The following MAF variants were observed in gnomAD, a reference collection of about 807,000 sequenced individuals.
The protein encoded by MAF is MAF bZIP transcription factor.
Under a neutral mutation model 22.0 loss-of-function variants are expected in MAF, and 10 were observed. That is an observed-to-expected ratio of 0.45 (90% CI 0.28 to 0.77). The LOEUF (loss-of-function observed/expected upper bound fraction) is 0.77, where lower values mean the gene tolerates loss of function less well. Among genes scored for constraint, MAF ranks in the 30% least tolerant of loss-of-function variants. The probability of loss-of-function intolerance (pLI) is 0.12; values close to 1 mark genes in which losing one functional copy is unlikely to be tolerated. For missense variants in MAF, 544 were observed against 548.4 expected (o/e 0.99, Z 0.08); for synonymous variants, 337 against 255.8 (o/e 1.32, Z -3.03).
chr16:79,203,243 C>T, the MAF span: 2 of 152,168 alleles, frequency 1.3e-5, no homozygotes, highest in South Asian at 4.1e-4. Context: ...AGACACTCTC[C>T]ACAGTATGTT....
chr16:79,502,197 C>T, the MAF span, among the ~76,000 whole-genome samples: 1 of 152,126 alleles, frequency 6.6e-6, no homozygotes, highest in African/African-American at 2.4e-5. Context: ...GAGCATGGCT[C>T]CTGAGGCCCG....
At chr16:79,469,191 C>T in the MAF span, among the ~76,000 whole-genome samples, 2 of 152,188 alleles carry the variant, frequency 1.3e-5, no homozygotes, top group South Asian at 2.1e-4. Flanking sequence ...GGAACATAGC[C>T]ATGACCGTTC....
the MAF span, among the ~76,000 whole-genome samples, chr16:79,463,614 C>G: frequency 1.3e-5 from 2 of 152,166 alleles, no homozygotes; most frequent in Non-Finnish European, 2.9e-5. Flanking sequence ...CATCCAGTCT[C>G]TAGGTCAAGT....
chr16:79,490,876 A>G, the MAF span, among the ~76,000 whole-genome samples: 2 of 152,208 alleles, frequency 1.3e-5, no homozygotes, highest in East Asian at 1.9e-4. Flanking sequence ...CTGTGATGTC[A>G]GAGATGAATG....
the MAF span, among the ~76,000 whole-genome samples, chr16:79,242,391 G>A: frequency 1.3e-5 from 2 of 149,774 alleles, no homozygotes; most frequent in African/African-American, 2.5e-5. Flanking sequence ...AAAAAAAGCA[G>A]GGGTTGCAAT....
the MAF span, among the ~76,000 whole-genome samples, chr16:79,496,491 ACTC>A: frequency 6.6e-6 from 1 of 152,072 alleles, no homozygotes; most frequent in East Asian, 1.9e-4. Flanking sequence ...CCTGCATGAC[ACTC>A]CTCAGGTTCT....
At chr16:79,294,599 G>A in the MAF span, among the ~76,000 whole-genome samples, 2 of 152,204 alleles carry the variant, frequency 1.3e-5, no homozygotes, top group African/African-American at 4.8e-5. Context: ...TCAGGAAGTA[G>A]TATCTTATTT....
At chr16:79,221,139 C>T in the MAF span, among the ~76,000 whole-genome samples, 6 of 152,190 alleles carry the variant, frequency 3.9e-5, no homozygotes, top group African/African-American at 1.4e-4. Flanking sequence ...TTCTTGACTG[C>T]GTTGGGAAAT....
At chr16:79,317,816 A>G in the MAF span, among the ~76,000 whole-genome samples, 2 of 152,124 alleles carry the variant, frequency 1.3e-5, no homozygotes, top group Non-Finnish European at 1.5e-5. Flanking sequence ...TTCTCTTTGC[A>G]TGAGAGTTCA....
the MAF span, among the ~76,000 whole-genome samples, chr16:79,313,952 G>T: frequency 6.6e-6 from 1 of 152,188 alleles, no homozygotes; most frequent in Non-Finnish European, 1.5e-5. Context: ...TGTCTGCGAT[G>T]ATTAAATAAC....
the MAF span, among the ~76,000 whole-genome samples, chr16:79,385,915 C>A: frequency 6.6e-6 from 1 of 152,014 alleles, no homozygotes; most frequent in Non-Finnish European, 1.5e-5. Flanking sequence ...GAAAAACAAA[C>A]AAAAAAACAA....
At chr16:79,399,821 A>G in the MAF span, among the ~76,000 whole-genome samples, 2 of 152,304 alleles carry the variant, frequency 1.3e-5, no homozygotes, top group East Asian at 1.9e-4. Context: ...GATGGTGCCA[A>G]TGTGTGCCTG....
the MAF span, among the ~76,000 whole-genome samples, chr16:79,257,195 TA>T: frequency 1.3e-4 from 20 of 151,278 alleles, no homozygotes; most frequent in Non-Finnish European, 2.7e-4. Context: ...AAATAAAAAT[TA>T]AAAAAAAGAA....
At chr16:79,235,817 G>A in the MAF span, among the ~76,000 whole-genome samples, 2 of 152,092 alleles carry the variant, frequency 1.3e-5, no homozygotes, top group Non-Finnish European at 2.9e-5. Context: ...ATTAGTAGCA[G>A]TAATGGTTGT....
At chr16:79,357,599 G>C in the MAF span, among the ~76,000 whole-genome samples, 1 of 152,160 alleles carries the variant, frequency 6.6e-6, no homozygotes, top group African/African-American at 2.4e-5. Context: ...GAGTGACTTT[G>C]CTAATTACTG....
At chr16:79,400,089 C>T in the MAF span, among the ~76,000 whole-genome samples, 2 of 152,294 alleles carry the variant, frequency 1.3e-5, no homozygotes, top group Non-Finnish European at 2.9e-5. Context: ...TATCTAGAGA[C>T]ATTTTTGGTT....
At chr16:79,291,480 C>G in the MAF span, among the ~76,000 whole-genome samples, 1 of 151,990 alleles carries the variant, frequency 6.6e-6, no homozygotes, top group Non-Finnish European at 1.5e-5. Flanking sequence ...CCTGAATTTC[C>G]TTGTTTCTGA....
the MAF span, among the ~76,000 whole-genome samples, chr16:79,515,312 G>T: frequency 9.2e-5 from 14 of 152,296 alleles, no homozygotes; most frequent in Admixed American, 3.9e-4. Flanking sequence ...ACTTTTGATG[G>T]TTCCACTTAT....
chr16:79,560,204 G>T, the MAF span, among the ~76,000 whole-genome samples: 1 of 151,930 alleles, frequency 6.6e-6, no homozygotes, highest in East Asian at 1.9e-4. Flanking sequence ...CCTGGGCCAG[G>T]TGCACCACTG....
Sources: allele counts gnomAD v4.1 joint callset (sites outside exome capture counted in the v4.1 genomes callset), GRCh38; gene constraint gnomAD v4.1.1; transcripts MANE v1.5; gene names NCBI Gene and HGNC (gene_info 2026-07-23, HGNC 2026-07-21).